CACNB4: variants seen among roughly 807,000 people sequenced by gnomAD.
CACNB4 encodes voltage-dependent L-type calcium channel subunit beta-4.
A neutral mutation model predicts 71.2 loss-of-function variants in CACNB4; 32 were observed. The observed-to-expected ratio is 0.45, with a 90% CI of 0.34 to 0.60. The LOEUF is 0.60. Ranked by LOEUF, CACNB4 falls within the 20% of genes least tolerant of loss-of-function variation. The pLI, the probability that CACNB4 is intolerant of heterozygous loss-of-function variation, is 0.01. For missense variants in CACNB4, 464 were observed against 647.9 expected (o/e 0.72, Z 3.08); for synonymous variants, 231 against 236.9 (o/e 0.97, Z 0.23).
intron 2 of CACNB4, among the ~76,000 whole-genome samples, chr2:151,924,139 C>T (rs945620472): frequency 4.9e-5 from 6 of 123,098 alleles, no homozygotes; most frequent in Admixed American, 1.1e-4. Flanking sequence ...AGTGCAGTGG[C>T]GCAATCTCGG....
chr2:151,902,815 A>T (rs1475895165), intron 2 of CACNB4, among the ~76,000 whole-genome samples: 3 of 152,080 alleles, frequency 2.0e-5, no homozygotes, highest in Non-Finnish European at 4.4e-5. Context: ...AAATCCACCT[A>T]GTTTTCATCA....
At chr2:151,982,528 G>A (rs1413150543) in intron 2 of CACNB4, among the ~76,000 whole-genome samples, 2 of 151,974 alleles carry the variant, frequency 1.3e-5, no homozygotes, top group East Asian at 3.9e-4. Flanking sequence ...CAGCTACTTG[G>A]GAGGCTGAGG....
intron 2 of CACNB4, among the ~76,000 whole-genome samples, chr2:151,978,863 T>C (rs1335681449): frequency 6.6e-6 from 1 of 152,130 alleles, no homozygotes; most frequent in African/African-American, 2.4e-5. Context: ...TGCCAGCTCC[T>C]GCCGGCAGCC....
At chr2:152,014,423 G>A (rs545083670) in intron 2 of CACNB4, among the ~76,000 whole-genome samples, 29 of 152,022 alleles carry the variant, frequency 1.9e-4, no homozygotes, top group Non-Finnish European at 2.6e-4. Flanking sequence ...GATAATTTGC[G>A]TAGAATCTAA....
rs529888359 is a variant in CACNB4, at chr2:151,839,373, G to A, written c.1309C>T (p.Arg437Ter). The change falls in exon 14 of 14, where the codon CGA becomes TGA. Residue 437 changes from arginine to a stop codon, truncating the protein, a stop_gained. Transcript: ENST00000539935. LOFTEE classifies it high-confidence loss of function. ...PTAISGLQSQ[R>*]MRHSNHSTEN... ...GTGGAGTGGTTGCTGTGCCTCATTCGCTGACTCTAAAAATATCAGATAGTT... is the reference window on the plus strand; with the variant it reads ...GTGGAGTGGTTGCTGTGCCTCATTCACTGACTCTAAAAATATCAGATAGTT... The A allele has an allele frequency of 1.1e-5, 18 of 1,604,726 alleles. No homozygotes were observed. Among genetic ancestry groups the A allele is most frequent in the Non-Finnish European group, 1.5e-5 (18 of 1,172,866 alleles).
At chr2:151,860,405 T>C (rs2099841341) in intron 10 of CACNB4, 2 of 395,718 alleles carry the variant, frequency 5.1e-6, no homozygotes, top group Non-Finnish European at 4.6e-6. Context: ...ATTAGCCTTG[T>C]TGAGAAGCTG....
chr2:151,953,880 A>G (rs2099867543), intron 2 of CACNB4, among the ~76,000 whole-genome samples: 1 of 152,252 alleles, frequency 6.6e-6, no homozygotes, highest in Non-Finnish European at 1.5e-5. Flanking sequence ...TAACACTCTG[A>G]CAAACGTGTT....
chr2:151,892,886 T>A (rs1450375604), intron 2 of CACNB4, among the ~76,000 whole-genome samples: 1 of 152,218 alleles, frequency 6.6e-6, no homozygotes, highest in Non-Finnish European at 1.5e-5. Context: ...CAGGGGTTGC[T>A]GGAAATTATG....
chr2:152,008,490 T>C (rs1682860247), intron 2 of CACNB4, among the ~76,000 whole-genome samples: 1 of 151,386 alleles, frequency 6.6e-6, no homozygotes, highest in Non-Finnish European at 1.5e-5. Context: ...TTTCACTGTC[T>C]CTACTAAATA....
chr2:151,890,305 T>G, intron 2 of CACNB4, among the ~76,000 whole-genome samples: 1 of 152,342 alleles, frequency 6.6e-6, no homozygotes, highest in Non-Finnish European at 1.5e-5. Context: ...AAGCTCCTTT[T>G]TAGGTTTCAA....
At chr2:151,891,249 T>C (rs1228596639) in intron 2 of CACNB4, among the ~76,000 whole-genome samples, 4 of 152,068 alleles carry the variant, frequency 2.6e-5, no homozygotes, top group Admixed American at 6.6e-5. Flanking sequence ...GACCCATGAA[T>C]GGAGATAACA....
chr2:151,955,915 T>G (rs1178957490), intron 2 of CACNB4, among the ~76,000 whole-genome samples: 1 of 87,144 alleles, frequency 1.1e-5, no homozygotes, highest in African/African-American at 3.4e-5. Context: ...AAATAAAAAA[T>G]AGAAAAAAAA....
At chr2:152,055,928 G>A (rs796392732) in intron 2 of CACNB4, among the ~76,000 whole-genome samples, 6 of 152,216 alleles carry the variant, frequency 3.9e-5, no homozygotes, top group African/African-American at 1.4e-4. Flanking sequence ...TCACTCGCCT[G>A]TTACTATCAT....
intron 2 of CACNB4, among the ~76,000 whole-genome samples, chr2:151,905,980 A>G (rs1194318573): frequency 6.6e-6 from 1 of 152,242 alleles, no homozygotes; most frequent in African/African-American, 2.4e-5. Context: ...TAAGTTAGCT[A>G]GAGTTCCTTC....
intron 2 of CACNB4, among the ~76,000 whole-genome samples, chr2:152,001,370 T>G (rs1682394797): frequency 6.6e-6 from 1 of 150,860 alleles, no homozygotes; most frequent in South Asian, 2.1e-4. Flanking sequence ...AAAACCACCA[T>G]CTGGCAGGGT....
chr2:151,871,182 ACACAG>A (rs2099844534), intron 6 of CACNB4: 1 of 366,764 alleles, frequency 2.7e-6, no homozygotes, highest in African/African-American at 2.1e-5. Context: ...CCCGTGCTGG[ACACAG>A]CACAGTGTTG....
At chr2:151,931,780 G>A (rs2099861697) in intron 2 of CACNB4, among the ~76,000 whole-genome samples, 1 of 152,046 alleles carries the variant, frequency 6.6e-6, no homozygotes, top group Non-Finnish European at 1.5e-5. Context: ...CAAAAAAGAT[G>A]AGTTCTACCT....
chr2:152,042,156 A>G (rs1368550831), intron 2 of CACNB4, among the ~76,000 whole-genome samples: 1 of 152,206 alleles, frequency 6.6e-6, no homozygotes, highest in Non-Finnish European at 1.5e-5. Flanking sequence ...AAGTCCCAGA[A>G]GCTTCCAAAC....
intron 2 of CACNB4, among the ~76,000 whole-genome samples, chr2:151,993,945 G>A (rs1049502552): frequency 4.0e-5 from 6 of 151,534 alleles, no homozygotes; most frequent in Admixed American, 2.0e-4. Flanking sequence ...GTCAAGGCAG[G>A]AGGATTGCTT....
Sources: allele counts gnomAD v4.1 joint callset (sites outside exome capture counted in the v4.1 genomes callset), GRCh38; gene constraint gnomAD v4.1.1; transcripts MANE v1.5; gene names NCBI Gene and HGNC (gene_info 2026-07-23, HGNC 2026-07-21).